GRIK1: variants seen among roughly 807,000 people sequenced by gnomAD.
GRIK1 encodes the protein glutamate receptor ionotropic, kainate 1.
A neutral mutation model predicts 105.7 loss-of-function variants in GRIK1; 69 were observed. The ratio of observed to expected loss-of-function variants is 0.65; its 90% CI spans 0.54 to 0.80. The LOEUF (loss-of-function observed/expected upper bound fraction) is 0.80, where lower values mean the gene tolerates loss of function less well. Among genes scored for constraint, GRIK1 ranks in the 30% least tolerant of loss-of-function variants. The pLI is 0.00. For synonymous variants in GRIK1, 438 were observed against 431.3 expected (o/e 1.02, Z -0.19); for missense variants, 1,109 against 1,167.3 (o/e 0.95, Z 0.73).
At chr21:29,878,888 A>T (rs2069290415) in intron 1 of GRIK1, among the ~76,000 whole-genome samples, 1 of 151,238 alleles carries the variant, frequency 6.6e-6, no homozygotes, top group African/African-American at 2.4e-5. Context: ...GTCCTTTGTC[A>T]TGGGCCCTCA....
chr21:29,819,540 A>G (rs1000681627), intron 1 of GRIK1, among the ~76,000 whole-genome samples: 6 of 151,998 alleles, frequency 3.9e-5, no homozygotes, highest in African/African-American at 1.4e-4. Context: ...TTTTTATTTG[A>G]TAGCGTGATA....
At chr21:29,760,163 T>C (rs1303189444) in intron 1 of GRIK1, 1 of 152,246 alleles carries the variant, frequency 6.6e-6, no homozygotes, top group South Asian at 2.1e-4. Context: ...CTTCCTAACA[T>C]GTTGACTGCC....
At chr21:29,920,303 C>A (rs1309329389) in intron 1 of GRIK1, among the ~76,000 whole-genome samples, 1 of 152,080 alleles carries the variant, frequency 6.6e-6, no homozygotes. Context: ...TATATGTACA[C>A]ACACAGTCTA....
At chr21:29,784,307 G>T (rs896304723) in intron 1 of GRIK1, among the ~76,000 whole-genome samples, 1 of 152,266 alleles carries the variant, frequency 6.6e-6, no homozygotes, top group Admixed American at 6.5e-5. Context: ...TACATGTGAA[G>T]AATATTTCCT....
chr21:29,611,112 G>A (rs753652241), intron 7 of GRIK1, among the ~76,000 whole-genome samples: 3 of 152,114 alleles, frequency 2.0e-5, no homozygotes, highest in Middle Eastern at 3.2e-3. Context: ...ACTGTATTTC[G>A]TTTCAAAGTC....
rs1268599718 is a variant in GRIK1 at position 29,587,509 on chromosome 21, G to A, written c.1650C>T (p.Thr550=). The change falls in exon 12 of 18, where the codon ACC becomes ACT. Residue 550 remains threonine (T), a synonymous_variant. Coordinates refer to ENST00000327783, the MANE Select transcript of GRIK1 (RefSeq NM_001330994.2). ...TCCGGTAGAGAATGCTGATGCCTAGGGTCATGAAGGGTTTGGAGAAGTCAA... is the reference window on the plus strand; with the variant it reads ...TCCGGTAGAGAATGCTGATGCCTAGAGTCATGAAGGGTTTGGAGAAGTCAA... ...KVIDFSKPFM[T]LGISILYRKP... 11 of 1,613,040 alleles carry A rather than the reference G, an allele frequency of 6.8e-6. No individual in the cohort carries two copies. The highest frequency in any genetic ancestry group is 1.7e-5 in the Admixed American group (1 of 59,990).
At chr21:29,635,276 A>AG (rs1331622100) in intron 7 of GRIK1, among the ~76,000 whole-genome samples, 1 of 152,234 alleles carries the variant, frequency 6.6e-6, no homozygotes, top group Admixed American at 6.5e-5. Flanking sequence ...ATAAGTATAA[A>AG]GGAAGTGTTC....
chr21:29,742,247 C>G (rs1312985456), intron 1 of GRIK1, among the ~76,000 whole-genome samples: 2 of 152,086 alleles, frequency 1.3e-5, no homozygotes, highest in Non-Finnish European at 2.9e-5. Context: ...TTTCTGTCTT[C>G]TGATGCTTCC....
At chr21:29,754,261 G>C (rs971234323) in intron 1 of GRIK1, among the ~76,000 whole-genome samples, 1 of 152,090 alleles carries the variant, frequency 6.6e-6, no homozygotes, top group African/African-American at 2.4e-5. Context: ...ACAACAATAG[G>C]AAAGTCCAAA....
Position 29,577,019 on chromosome 21 carries a change from T to G in GRIK1, c.2075A>C (p.Gln692Pro). 1 of 1,613,954 alleles carries G rather than the reference T, an allele frequency of 6.2e-7. No individual in the cohort carries two copies. The highest frequency in any genetic ancestry group is 8.5e-7 in the Non-Finnish European group (1 of 1,179,832). ...AACCGCCCCATATTCTATCTTGGTTTGCTTTGCCAGATCATCTGCCGAATC... is the reference window on the plus strand; with the variant it reads ...AACCGCCCCATATTCTATCTTGGTTGGCTTTGCCAGATCATCTGCCGAATC... ...PIDSADDLAK[Q>P]TKIEYGAVRD... The change falls in exon 14 of 18, where the codon CAA (glutamine) becomes CCA (proline). Residue 692 changes from glutamine (Q) to proline (P), a missense_variant. Around this residue, in one of 5 missense-constraint regions of GRIK1, gnomAD observed 264 missense variants for 306.9 expected, o/e 0.86. Transcript: ENST00000327783.
chr21:29,752,862 G>C (rs923187397), intron 1 of GRIK1, among the ~76,000 whole-genome samples: 1 of 152,174 alleles, frequency 6.6e-6, no homozygotes, highest in Non-Finnish European at 1.5e-5. Flanking sequence ...GTATATGTAA[G>C]TAGTGCATCT....
At chr21:29,829,830 A>G (rs1446220460) in intron 1 of GRIK1, among the ~76,000 whole-genome samples, 1 of 152,196 alleles carries the variant, frequency 6.6e-6, no homozygotes, top group East Asian at 1.9e-4. Context: ...AGTAACATTT[A>G]TAATCAGAAA....
chr21:29,793,284 T>C (rs1489231900), intron 1 of GRIK1, among the ~76,000 whole-genome samples: 1 of 152,180 alleles, frequency 6.6e-6, no homozygotes, highest in Non-Finnish European at 1.5e-5. Flanking sequence ...TTTGTGTGTG[T>C]AATGTTTAGG....
rs34910439 is a variant in GRIK1 at position 29,541,575 on chromosome 21, C to CTTTTTTTTTTTTTTT, written c.2608-3706_2608-3692dup. On this transcript the variant is annotated intron_variant, in intron 16 of 17. Coordinates refer to ENST00000327783, the MANE Select transcript of GRIK1 (RefSeq NM_001330994.2). ...CTATGCCATTCATTGCACTCACGGT[C>CTTTTTTTTTTTTTTT]TTTTTTTTTTTTTTTTTTTTTGTGG... Among the ~76,000 whole-genome samples, 277 of 95,946 alleles carry CTTTTTTTTTTTTTTT rather than the reference C, an allele frequency of 2.9e-3. 37 individuals are homozygous for CTTTTTTTTTTTTTTT. Among genetic ancestry groups the CTTTTTTTTTTTTTTT allele is most frequent in the African/African-American group, 0.012 (242 of 20,934 alleles). 62.9% of individuals were successfully genotyped at this position (95,946 alleles called of 152,430 possible). A position where few individuals can be genotyped will look rare whatever the true frequency, so the allele number is the denominator to read the frequency against.
intron 3 of GRIK1, among the ~76,000 whole-genome samples, chr21:29,683,010 T>A (rs2063411841): frequency 6.6e-6 from 1 of 152,048 alleles, no homozygotes; most frequent in African/African-American, 2.4e-5. Context: ...GACACGCAAG[T>A]GGCCAACGAG....
chr21:29,863,305 G>A (rs8127108), intron 1 of GRIK1, among the ~76,000 whole-genome samples: 4,116 of 152,172 alleles, frequency 0.027, 182 homozygotes, highest in African/African-American at 0.095. Flanking sequence ...CATATATCAC[G>A]TGTGTCAACA....
chr21:29,845,398 T>G (rs2068085957), intron 1 of GRIK1, among the ~76,000 whole-genome samples: 1 of 152,186 alleles, frequency 6.6e-6, no homozygotes, highest in African/African-American at 2.4e-5. Context: ...TTTTGTTTTG[T>G]GAGATATTTC....
chr21:29,693,550 C>A (rs940210459), intron 2 of GRIK1, among the ~76,000 whole-genome samples: 1 of 152,110 alleles, frequency 6.6e-6, no homozygotes, highest in Non-Finnish European at 1.5e-5. Flanking sequence ...GATTGACCTT[C>A]CATAATGTTT....
At chr21:29,725,580 A>G (rs1042997027) in intron 1 of GRIK1, among the ~76,000 whole-genome samples, 2 of 152,228 alleles carry the variant, frequency 1.3e-5, no homozygotes, top group Non-Finnish European at 1.5e-5. Context: ...AAGAGACTGC[A>G]TACGACCAGG....
Sources: allele counts gnomAD v4.1 joint callset (sites outside exome capture counted in the v4.1 genomes callset), GRCh38; gene constraint gnomAD v4.1.1; regional missense constraint gnomAD v4.1.1; transcripts MANE v1.5; gene names NCBI Gene and HGNC (gene_info 2026-07-23, HGNC 2026-07-21).